The following ASXL1 variants were observed in gnomAD, a reference collection of about 807,000 sequenced individuals.
ASXL1 encodes the protein ASXL transcriptional regulator 1.
A neutral mutation model predicts 89.1 loss-of-function variants in ASXL1; 65 were observed. The ratio of observed to expected loss-of-function variants is 0.73; its 90% confidence interval spans 0.60 to 0.90. The LOEUF is 0.90. Ranked by LOEUF, ASXL1 falls within the 40% of genes least tolerant of loss-of-function variation. ASXL1 has a pLI of 0.00. For synonymous variants in ASXL1, 739 were observed against 746.9 expected (o/e 0.99, Z 0.17); for missense variants, 1,786 against 1,942.9 (o/e 0.92, Z 1.52).
rs747116564 is a variant in ASXL1 at position 32,369,103 on chromosome 20, A to G, written c.232A>G (p.Ile78Val). Residue 78 changes from isoleucine to valine, a missense_variant, in exon 4 of 13, where the codon ATC (isoleucine) becomes GTC (valine). Ile to Val is a conservative substitution (Grantham distance 29, BLOSUM62 3). Transcript: ENST00000375687. ...EGLFYKLPGR[I>V]SLFTLKKDAL... ...GTTGTTTTATAAACTGCCTGGCCGA[A>G]TCAGCCTTTTCACGCTCAAGGTAAG... The G allele has an allele frequency of 1.2e-6, 2 of 1,612,794 alleles. No individual in the cohort carries two copies. Among genetic ancestry groups the G allele is most frequent in the East Asian group, 2.2e-5 (1 of 44,880 alleles).
intron 4 of ASXL1, among the ~76,000 whole-genome samples, chr20:32,412,309 C>T (rs571377077): frequency 4.8e-4 from 73 of 152,316 alleles, no homozygotes; most frequent in African/African-American, 1.7e-3. Flanking sequence ...TTAGTATAAA[C>T]ACTTAGTAGT....
At chr20:32,368,643 T>C (rs1320846300) in intron 3 of ASXL1, among the ~76,000 whole-genome samples, 1 of 152,196 alleles carries the variant, frequency 6.6e-6, no homozygotes, top group Non-Finnish European at 1.5e-5. Flanking sequence ...GATTGAAATA[T>C]AGAGGCTAGG....
Position 32,434,657 on chromosome 20 carries a change from G to A in ASXL1, c.1945G>A (p.Gly649Arg), listed in dbSNP as rs2145359312. ...TAIGGGGGPG[G>R]GGGGATDEGG... ...CATCGGAGGGGGGGGTGGCCCGGGT[G>A]GAGGTGGCGGCGGGGCCACCGATGA... is the stretch of plus-strand genomic sequence containing the variant. Residue 649 changes from glycine (G) to arginine (R), a missense_variant, in exon 13 of 13, where the codon GGA (glycine) becomes AGA (arginine). Gly to Arg is a moderately radical substitution (Grantham distance 125). Around this residue, in one of 3 missense-constraint regions of ASXL1, gnomAD observed 1,418 missense variants for 1,427.8 expected, o/e 0.99. Transcript: ENST00000375687. The A allele has an allele frequency of 6.2e-7, 1 of 1,604,408 alleles. No individual in the cohort carries two copies. Among genetic ancestry groups the A allele is most frequent in the Non-Finnish European group, 8.5e-7 (1 of 1,175,302 alleles).
intron 4 of ASXL1, among the ~76,000 whole-genome samples, chr20:32,422,014 G>A (rs1292898041): frequency 6.6e-6 from 1 of 150,782 alleles, no homozygotes; most frequent in East Asian, 1.9e-4. Flanking sequence ...GACTACAGGC[G>A]ACCGCCACCA....
chr20:32,402,230 C>T (rs192667907), intron 4 of ASXL1, among the ~76,000 whole-genome samples: 11 of 152,142 alleles, frequency 7.2e-5, no homozygotes, highest in African/African-American at 2.2e-4. Context: ...ATTTCTCCCC[C>T]CTAAATTACA....
At chr20:32,374,588 C>T (rs574499737) in intron 4 of ASXL1, among the ~76,000 whole-genome samples, 49 of 152,278 alleles carry the variant, frequency 3.2e-4, no homozygotes, top group Non-Finnish European at 8.8e-5. Flanking sequence ...AGCCACGGTG[C>T]CCGGCCCCTT....
chr20:32,372,347 C>T (rs1164236061), intron 4 of ASXL1: 2 of 1,167,166 alleles, frequency 1.7e-6, no homozygotes, highest in Middle Eastern at 2.4e-4. Context: ...GTTGCTTATC[C>T]TTCATAGTAT....
chr20:32,429,687 T>C lies in ASXL1; in HGVS notation c.566-214T>C. 1.4e-6 allele frequency: 1 copy of C among 712,926 alleles called. No homozygotes were observed. The highest frequency in any genetic ancestry group is 2.3e-6 in the Non-Finnish European group (1 of 436,158). The allele number at this position is 712,926 out of a possible 1,614,324, so 44.2% of individuals were successfully genotyped here. ...TGCCAGTGCTTTGTAAAAGGTGTAG[T>C]GCTATACAAATAAAGATGGCAGTTT... On this transcript the variant is annotated intron_variant, in intron 7 of 12. Coordinates refer to ENST00000375687, the MANE Select transcript of ASXL1 (RefSeq NM_015338.6). This position sits in a 1 kb window ranked among gnomAD's most constrained non-coding sequence, Gnocchi z 4.9.
At chr20:32,399,951 G>T (rs1050720651) in intron 4 of ASXL1, among the ~76,000 whole-genome samples, 23 of 151,692 alleles carry the variant, frequency 1.5e-4, no homozygotes, top group African/African-American at 4.6e-4. Flanking sequence ...TAGTAGAGAC[G>T]GGGTTTCGCC....
chr20:32,374,233 A>G (rs1000402188), intron 4 of ASXL1, among the ~76,000 whole-genome samples: 6 of 151,966 alleles, frequency 3.9e-5, no homozygotes, highest in Non-Finnish European at 5.9e-5. Context: ...AGCTCAAGCA[A>G]TCCTCCCATC....
chr20:32,358,761 C>A lies in ASXL1; in HGVS notation c.-15C>A. On this transcript the variant is annotated 5_prime_UTR_variant, in exon 1 of 13. Transcript: ENST00000375687. ...GAGGTCCCGCGTGGAGCTGCCGCCGCCGCCGGGGAGAAGGATGAAGGACAA... is the reference window on the plus strand; with the variant it reads ...GAGGTCCCGCGTGGAGCTGCCGCCGACGCCGGGGAGAAGGATGAAGGACAA... 2.0e-6 allele frequency: 3 copies of A among 1,472,086 alleles called. No homozygotes were observed. The highest frequency in any genetic ancestry group is 2.7e-6 in the Non-Finnish European group (3 of 1,103,444). The allele number at this position is 1,472,086 out of a possible 1,614,324, so 91.2% of individuals were successfully genotyped here. A position where few individuals can be genotyped will look rare whatever the true frequency, so the allele number is the denominator to read the frequency against.
intron 4 of ASXL1, among the ~76,000 whole-genome samples, chr20:32,386,339 C>A (rs980106755): frequency 6.6e-6 from 1 of 150,574 alleles, no homozygotes; most frequent in African/African-American, 2.4e-5. Context: ...TTAGCAAGAT[C>A]TTTTTCTCAT....
At position 32,379,161 on chromosome 20, in the gene ASXL1, C is replaced by CTTT. The variant is rs71187113; in HGVS notation, c.252+10077_252+10079dup. ...ACTCACTGTCAGGTATAACTTCAGT[C>CTTT]TTTTTTTTTTTTTTTTTTTTTTTTT... On this transcript the variant is annotated intron_variant, in intron 4 of 12. Coordinates refer to ENST00000375687, the MANE Select transcript of ASXL1 (RefSeq NM_015338.6). Among the ~76,000 whole-genome samples, 59 of 61,790 alleles carry CTTT rather than the reference C, an allele frequency of 9.5e-4. 8 individuals are homozygous for CTTT. Among genetic ancestry groups the CTTT allele is most frequent in the East Asian group, 2.0e-3 (3 of 1,534 alleles). 40.5% of individuals were successfully genotyped at this position (61,790 alleles called of 152,430 possible).
chr20:32,402,912 G>A (rs781281186), intron 4 of ASXL1, among the ~76,000 whole-genome samples: 2 of 151,992 alleles, frequency 1.3e-5, no homozygotes, highest in Non-Finnish European at 2.9e-5. Flanking sequence ...TAGAGCAAAA[G>A]GTTTGAATTC....
chr20:32,358,843 C>G lies in ASXL1; in HGVS notation c.57+11C>G. 2 of 1,507,090 alleles carry G rather than the reference C, an allele frequency of 1.3e-6. No homozygotes were observed. The highest frequency in any genetic ancestry group is 1.8e-6 in the Non-Finnish European group (2 of 1,127,182). The allele number at this position is 1,507,090 out of a possible 1,614,324, so 93.4% of individuals were successfully genotyped here. On this transcript the variant is annotated intron_variant, in intron 1 of 12. Transcript: ENST00000375687. The stretch of plus-strand genomic sequence containing the variant: ...GAGGCCGCGCGCCTGGTGAGGCGGA[C>G]AGCCGAGGGGGGCTCCGTGGGGCCC...
At chr20:32,370,427 A>T (rs1048670246) in intron 4 of ASXL1, among the ~76,000 whole-genome samples, 5 of 152,058 alleles carry the variant, frequency 3.3e-5, no homozygotes, top group Admixed American at 6.5e-5. Context: ...AAAAAAAAAA[A>T]TTTATTTACA....
intron 4 of ASXL1, among the ~76,000 whole-genome samples, chr20:32,391,564 A>G (rs1216407049): frequency 6.6e-6 from 1 of 152,210 alleles, no homozygotes; most frequent in African/African-American, 2.4e-5. Context: ...ATTATAGCTC[A>G]CTGCAGCCTC....
intron 4 of ASXL1, among the ~76,000 whole-genome samples, chr20:32,404,751 T>G (rs2048927453): frequency 6.6e-6 from 1 of 152,214 alleles, no homozygotes; most frequent in African/African-American, 2.4e-5. Flanking sequence ...CTTTCACCAC[T>G]AGTATGATGT....
At position 32,358,553 on chromosome 20, in the gene ASXL1, A is replaced by G; in HGVS notation, c.-223A>G. The stretch of plus-strand genomic sequence containing the variant: ...CGCTGCCGCCGTGGGCGACTGACGC[A>G]GCGCGGGCGCGTGGAGCCGCCGCCG... On this transcript the variant is annotated 5_prime_UTR_variant, in exon 1 of 13. Transcript: ENST00000375687. 4.7e-6 allele frequency: 1 copy of G among 211,570 alleles called. No individual in the cohort carries two copies. The highest frequency in any genetic ancestry group is 6.7e-5 in the East Asian group (1 of 14,880). 13.1% of individuals were successfully genotyped at this position (211,570 alleles called of 1,614,324 possible).
Sources: allele counts gnomAD v4.1 joint callset (sites outside exome capture counted in the v4.1 genomes callset), GRCh38; gene constraint gnomAD v4.1.1; regional missense constraint gnomAD v4.1.1; non-coding constraint Gnocchi (gnomAD v3.1); transcripts MANE v1.5; gene names NCBI Gene and HGNC (gene_info 2026-07-23, HGNC 2026-07-21).